The following ACCSL variants were observed in gnomAD, a reference collection of about 807,000 sequenced individuals.
ACCSL encodes 1-aminocyclopropane-1-carboxylate synthase homolog (inactive) like, also known as probable inactive 1-aminocyclopropane-1-carboxylate synthase-like protein 2.
In ACCSL, 55 loss-of-function variants were observed where a neutral mutation model predicts 61.7. The ratio of observed to expected loss-of-function variants is 0.89; its 90% CI spans 0.72 to 1.12. ACCSL has a LOEUF of 1.12. Ranked by LOEUF, ACCSL falls within the 50% of genes most tolerant of loss-of-function variation. The probability of loss-of-function intolerance (pLI) is 0.00; values close to 1 mark genes in which losing one functional copy is unlikely to be tolerated. For missense variants in ACCSL, 632 were observed against 698.0 expected (o/e 0.91, Z 1.07); for synonymous variants, 258 against 264.3 (o/e 0.98, Z 0.23).
chr11:44,055,898 TG>T, intron 9 of ACCSL, 141 bp from the exon 10 acceptor site: 2 of 943,680 alleles, frequency 2.1e-6, no homozygotes, highest in Non-Finnish European at 3.2e-6. Flanking sequence ...CTGGCTTAAC[TG>T]GGACAACTGT....
At chr11:43,960,016 T>A in the ACCSL span, among the ~76,000 whole-genome samples, 1 of 152,172 alleles carries the variant, frequency 6.6e-6, no homozygotes, top group Admixed American at 6.5e-5. Flanking sequence ...AGGAGCTTTT[T>A]GGGACCAGCT....
chr11:44,024,429 CTCTCTCTCTCTCTG>C, the ACCSL span, among the ~76,000 whole-genome samples: 1 of 63,070 alleles, frequency 1.6e-5, no homozygotes, highest in Non-Finnish European at 3.2e-5. Context: ...CTCTCTTTCT[CTCTCTCTCTCTCTG>C]TGTGTGTGTG....
At chr11:43,953,991 G>T in the ACCSL span, among the ~76,000 whole-genome samples, 2 of 152,092 alleles carry the variant, frequency 1.3e-5, no homozygotes, top group African/African-American at 4.8e-5. Flanking sequence ...TCGGTAACCT[G>T]TCCACAGCTG....
the ACCSL span, among the ~76,000 whole-genome samples, chr11:43,989,960 A>G: frequency 6.6e-6 from 1 of 152,246 alleles, no homozygotes; most frequent in Non-Finnish European, 1.5e-5. Flanking sequence ...CCAGGTCAGC[A>G]GAGGAAGTGG....
chr11:44,026,092 C>T, the ACCSL span, among the ~76,000 whole-genome samples: 1 of 152,174 alleles, frequency 6.6e-6, no homozygotes, highest in Non-Finnish European at 1.5e-5. Context: ...CAAATTTGTG[C>T]AGTTTTCAGC....
chr11:43,979,244 A>T, the ACCSL span, among the ~76,000 whole-genome samples: 1 of 152,214 alleles, frequency 6.6e-6, no homozygotes, highest in Non-Finnish European at 1.5e-5. Flanking sequence ...AGACAGAAGG[A>T]CTGCTTGAGC....
In ACCSL at chr11:44,050,109, G is replaced by T; in HGVS notation, c.552G>T (p.Leu184=). ...GTGAGAACAAGCTCTGCATGGATCT[G>T]ATGACTGAAAGAGTAAGGATGTTCT... The part of the protein sequence containing the change: ...GTSENKLCMD[L]MTERLQESDM... Residue 184 remains leucine, a synonymous_variant, in exon 2 of 14, where the codon CTG becomes CTT. Transcript: ENST00000378832. 1 of 1,614,012 alleles carries T rather than the reference G, an allele frequency of 6.2e-7. No homozygotes were observed. The highest frequency in any genetic ancestry group is 8.5e-7 in the Non-Finnish European group (1 of 1,179,888).
the ACCSL span, among the ~76,000 whole-genome samples, chr11:43,939,436 T>C: frequency 6.6e-6 from 1 of 152,160 alleles, no homozygotes; most frequent in Non-Finnish European, 1.5e-5. Context: ...TCTCACATAA[T>C]ACAGTTCTGA....
chr11:43,943,277 GCGCCGCCCGCGGGGGGGACGCGCGCGTC>G, the ACCSL span: 2 of 1,485,172 alleles, frequency 1.3e-6, no homozygotes, highest in Non-Finnish European at 1.8e-6. The surrounding 1 kb of genome is among the most constrained non-coding windows in gnomAD (Gnocchi z 4.8). Flanking sequence ...CCTGTAAGGG[GCGCCGCCCGCGGGGGGGACGCGCGCGTC>G]CGCGGTCCGC....
chr11:43,992,080 C>A, the ACCSL span, among the ~76,000 whole-genome samples: 1 of 119,144 alleles, frequency 8.4e-6, no homozygotes, highest in Non-Finnish European at 1.6e-5. Context: ...GAGACAGGGT[C>A]TCACTCTGTT....
chr11:43,942,481 C>T, the ACCSL span: 1 of 211,752 alleles, frequency 4.7e-6, no homozygotes, highest in Non-Finnish European at 9.9e-6. Flanking sequence ...CGGGCGGCGC[C>T]GGGGAAGGGG....
Position 44,054,869 on chromosome 11 carries a change from G to A in ACCSL, c.1050-333G>A, listed in dbSNP as rs1004065345. Among the ~76,000 whole-genome samples, 11 of 152,246 alleles carry A rather than the reference G, an allele frequency of 7.2e-5. No individual in the cohort carries two copies. In the South Asian group the frequency reaches 8.3e-4, roughly 11 times the overall value. On this transcript the variant is annotated intron_variant, in intron 8 of 13. Transcript: ENST00000378832. ...ACTCTACCAGTTAAAAATTCTCTGG[G>A]CTACCCAACCTCTTCCCATAGTCTC...
chr11:43,991,494 T>C, the ACCSL span, among the ~76,000 whole-genome samples: 1 of 143,144 alleles, frequency 7.0e-6, no homozygotes, highest in South Asian at 2.3e-4. Context: ...AAGATCTGGA[T>C]CCAATATACA....
chr11:44,058,666 A>G lies in ACCSL; in HGVS notation c.1591A>G (p.Ile531Val), dbSNP rs1188439508. 6.2e-7 allele frequency: 1 copy of G among 1,613,462 alleles called. No homozygotes were observed. The highest frequency in any genetic ancestry group is 1.7e-5 in the Admixed American group (1 of 59,996). The change falls in exon 13 of 14, where the codon ATC becomes GTC. Residue 531 changes from isoleucine to valine, a missense_variant. By Grantham distance (29) the Ile-to-Val change is conservative (BLOSUM62 3). Transcript: ENST00000378832. ...MCKEPGWFCLIFADELPRLKL... is the reference protein window; with the variant it reads ...MCKEPGWFCLVFADELPRLKL... ...TAAGGAGCCAGGCTGGTTCTGCCTC[A>G]TCTTTGCAGATGAGCTCCCCCGGCT...
chr11:44,029,880 A>T, the ACCSL span, among the ~76,000 whole-genome samples: 1 of 151,450 alleles, frequency 6.6e-6, no homozygotes, highest in Admixed American at 6.7e-5. Flanking sequence ...GGGCAAGGGG[A>T]TAACTTTTGT....
At chr11:43,938,039 G>C in the ACCSL span, among the ~76,000 whole-genome samples, 1 of 152,196 alleles carries the variant, frequency 6.6e-6, no homozygotes, top group African/African-American at 2.4e-5. Flanking sequence ...GGCAGAAGTT[G>C]AGCATACTTC....
the ACCSL span, among the ~76,000 whole-genome samples, chr11:43,934,645 T>C: frequency 2.0e-5 from 3 of 152,254 alleles, no homozygotes; most frequent in African/African-American, 7.2e-5. Flanking sequence ...GGATGGCCAG[T>C]TGCCCAGTGC....
At chr11:44,023,835 G>A in the ACCSL span, among the ~76,000 whole-genome samples, 1 of 151,968 alleles carries the variant, frequency 6.6e-6, no homozygotes, top group African/African-American at 2.4e-5. Flanking sequence ...CATAAGTTTG[G>A]TATGTTGTGT....
chr11:44,039,322 A>G, the ACCSL span, among the ~76,000 whole-genome samples: 2 of 152,218 alleles, frequency 1.3e-5, no homozygotes, highest in Non-Finnish European at 2.9e-5. Context: ...CCACTCAGCC[A>G]TAAAAAAGGA....
Sources: gnomAD v4.1 joint callset for allele counts (sites outside exome capture counted in the v4.1 genomes callset) on GRCh38, gnomAD v4.1.1 for gene constraint, Gnocchi (gnomAD v3.1) non-coding constraint, MANE v1.5 for transcripts, NCBI Gene and HGNC (gene_info 2026-07-23, HGNC 2026-07-21) for gene names.